Variants in MGRN1 observed in about 807,000 individuals in gnomAD.
The protein encoded by MGRN1 is mahogunin ring finger 1.
In MGRN1, 29 loss-of-function variants were observed where a neutral mutation model predicts 69.2. That is an observed-to-expected ratio of 0.42 (90% confidence interval 0.31 to 0.57). MGRN1 has a LOEUF of 0.57. MGRN1 is among the 20% of genes least tolerant of loss of function. The probability of loss-of-function intolerance (pLI) is 0.15; values close to 1 mark genes in which losing one functional copy is unlikely to be tolerated. For missense variants in MGRN1, 998 were observed against 796.2 expected (o/e 1.25, Z -3.05); for synonymous variants, 470 against 344.2 (o/e 1.37, Z -4.04).
Position 4,689,138 on chromosome 16 carries a change from T to G in MGRN1, c.*230T>G. 1.8e-6 allele frequency: 1 copy of G among 562,996 alleles called. No individual in the cohort carries two copies. Among genetic ancestry groups the G allele is most frequent in the Non-Finnish European group, 2.8e-6 (1 of 351,442 alleles). 34.9% of individuals were successfully genotyped at this position (562,996 alleles called of 1,614,324 possible). A position where few individuals can be genotyped will look rare whatever the true frequency, so the allele number is the denominator to read the frequency against. ...TGGTACAAGATGAAGGACAGCAGCT[T>G]TCCATCCCTAGTTCAGAGCCCCCGT... On this transcript the variant is annotated 3_prime_UTR_variant, in exon 17 of 17. Coordinates refer to ENST00000262370, the MANE Select transcript of MGRN1 (RefSeq NM_015246.4).
At chr16:4,644,241 C>T (rs960878802) in intron 1 of MGRN1, among the ~76,000 whole-genome samples, 1 of 151,904 alleles carries the variant, frequency 6.6e-6, no homozygotes, top group Non-Finnish European at 1.5e-5. Flanking sequence ...ATCCACCCCC[C>T]TCAGCCTCCC....
At chr16:4,682,077 C>G (rs1025864842) in intron 13 of MGRN1, among the ~76,000 whole-genome samples, 7 of 152,240 alleles carry the variant, frequency 4.6e-5, no homozygotes, top group Admixed American at 1.3e-4. Context: ...TGCTGTGTCT[C>G]TGCTGAGGGG....
chr16:4,688,835 C>T lies in MGRN1; in HGVS notation c.1658C>T (p.Thr553Ile). 1 of 1,553,938 alleles carries T rather than the reference C, an allele frequency of 6.4e-7. No homozygotes were observed. Among genetic ancestry groups the T allele is most frequent in the South Asian group, 1.2e-5 (1 of 84,598 alleles). Residue 553 changes from threonine (T) to isoleucine (I), a missense_variant, in exon 17 of 17, where the codon ACC becomes ATC. Thr to Ile is a moderately conservative substitution (Grantham distance 89, BLOSUM62 -1). Transcript: ENST00000262370. The stretch of plus-strand genomic sequence containing the variant: ...ATGGAGACGGCCCACGGCCTCGCCA[C>T]CACCAGCCCCACCTGGCCTCCACTT... ...TSMETAHGLATTSPTWPPLGG... is the reference protein window; with the variant it reads ...TSMETAHGLAITSPTWPPLGG...
intron 10 of MGRN1, among the ~76,000 whole-genome samples, chr16:4,675,067 G>C (rs2079027104): frequency 6.6e-6 from 1 of 152,104 alleles, no homozygotes; most frequent in Non-Finnish European, 1.5e-5. Context: ...CTGCCTCCCA[G>C]GTTCAAATGA....
chr16:4,672,354 C>G (rs1236374090), intron 9 of MGRN1: 2 of 456,666 alleles, frequency 4.4e-6, no homozygotes. Context: ...GGTCGATGAA[C>G]TTGTTAAAAG....
chr16:4,688,634 C>A, intron 16 of MGRN1, 162 bp from the exon 17 acceptor site: 3 of 1,413,552 alleles, frequency 2.1e-6, no homozygotes, highest in Non-Finnish European at 2.8e-6. Context: ...AGTCCCCGGG[C>A]CCTTGGTGTG....
In MGRN1 at chr16:4,690,083, T is replaced by C. The variant is rs919001191; in HGVS notation, c.*1175T>C. ...CCGGCCCCCTTGCAGTTCTCTCTGA[T>C]TTGGTTTGTTCTGTCTCAGGCTTCT... On this transcript the variant is annotated 3_prime_UTR_variant, in exon 17 of 17. Transcript: ENST00000262370. 1.3e-5 allele frequency: 2 copies of C among 152,360 alleles called. No homozygotes were observed. Among genetic ancestry groups the C allele is most frequent in the African/African-American group, 4.8e-5 (2 of 41,452 alleles). The allele number at this position is 152,360 out of a possible 1,614,324, so 9.4% of individuals were successfully genotyped here.
At chr16:4,668,060 C>T (rs542991762) in intron 7 of MGRN1, among the ~76,000 whole-genome samples, 4 of 151,862 alleles carry the variant, frequency 2.6e-5, no homozygotes, top group African/African-American at 9.7e-5. Context: ...CAGATAGTTG[C>T]ACAGCCAGGC....
rs199503022 is a variant in MGRN1, at chr16:4,670,274, ACT to A, written c.727-1114_727-1113del. ...TTTTGTATTTTTGAGATGGAGTCTCACTCTGTCGCCGAGGCTGGAGTGCAGTG... is the reference window on the plus strand; with the variant it reads ...TTTTGTATTTTTGAGATGGAGTCTCACTGTCGCCGAGGCTGGAGTGCAGTG... On this transcript the variant is annotated intron_variant, in intron 8 of 16. Coordinates refer to ENST00000262370, the MANE Select transcript of MGRN1 (RefSeq NM_015246.4). 3.2e-3 allele frequency among the ~76,000 whole-genome samples: 487 copies of A among 151,398 alleles called. 2 individuals carry two copies. The highest frequency in any genetic ancestry group is 0.011 in the African/African-American group (465 of 41,230).
intron 1 of MGRN1, among the ~76,000 whole-genome samples, chr16:4,647,949 G>A (rs1035140454): frequency 6.6e-6 from 1 of 152,132 alleles, no homozygotes; most frequent in African/African-American, 2.4e-5. Context: ...TTGGGGCCCG[G>A]CTGGTCTTGG....
At chr16:4,664,824 G>A (rs763335633) in intron 6 of MGRN1, 49 bp downstream of exon 6, 61 of 1,603,802 alleles carry the variant, frequency 3.8e-5, no homozygotes, top group Middle Eastern at 1.6e-4. Flanking sequence ...CGTGCAGGGA[G>A]GAAGCACGTC....
intron 1 of MGRN1, chr16:4,640,387 G>A (rs1055326746): frequency 1.3e-5 from 2 of 152,264 alleles, no homozygotes; most frequent in South Asian, 2.1e-4. Context: ...GGAATGCCTC[G>A]AGGCCTCCCA....
At chr16:4,671,244 C>G (rs1293126259) in intron 8 of MGRN1, 147 bp from the exon 9 acceptor site, 4 of 699,394 alleles carry the variant, frequency 5.7e-6, no homozygotes, top group Admixed American at 5.1e-5. Context: ...GTTTTCCCTG[C>G]CCTTCTCCTG....
At chr16:4,631,199 G>C (rs912227577) in intron 1 of MGRN1, among the ~76,000 whole-genome samples, 2 of 152,148 alleles carry the variant, frequency 1.3e-5, no homozygotes, top group African/African-American at 4.8e-5. Flanking sequence ...AATTATTTTA[G>C]TATCATTTGT....
At chr16:4,649,288 T>C (rs1488219349) in intron 1 of MGRN1, 3 of 152,214 alleles carry the variant, frequency 2.0e-5, no homozygotes, top group Admixed American at 6.5e-5. Flanking sequence ...TCACGAAATG[T>C]GTAAGGATTT....
At chr16:4,661,789 GC>G (rs2078687792) in intron 5 of MGRN1, among the ~76,000 whole-genome samples, 1 of 152,262 alleles carries the variant, frequency 6.6e-6, no homozygotes, top group Admixed American at 6.5e-5. Context: ...CTCGTGAGAT[GC>G]GGGGCCTAGG....
At chr16:4,667,278 G>T (rs997826341) in intron 7 of MGRN1, among the ~76,000 whole-genome samples, 2 of 152,194 alleles carry the variant, frequency 1.3e-5, no homozygotes, top group African/African-American at 4.8e-5. Flanking sequence ...CCAGGGTCGG[G>T]GGTTCTGTTA....
chr16:4,641,818 C>A (rs1447547140), intron 1 of MGRN1, among the ~76,000 whole-genome samples: 1 of 152,090 alleles, frequency 6.6e-6, no homozygotes, highest in African/African-American at 2.4e-5. Flanking sequence ...TGCGCCTGGC[C>A]ACTTTTTGTA....
intron 5 of MGRN1, among the ~76,000 whole-genome samples, chr16:4,660,410 C>A (rs1361942900): frequency 6.6e-6 from 1 of 152,248 alleles, no homozygotes; most frequent in South Asian, 2.1e-4. Flanking sequence ...CACCATCTTG[C>A]ACGCCTCCCC....
Sources: gnomAD v4.1 joint callset for allele counts (sites outside exome capture counted in the v4.1 genomes callset) on GRCh38, gnomAD v4.1.1 for gene constraint, MANE v1.5 for transcripts, NCBI Gene and HGNC (gene_info 2026-07-23, HGNC 2026-07-21) for gene names.